The following SMYD3 variants were observed in gnomAD, a reference collection of about 807,000 sequenced individuals.
The protein encoded by SMYD3 is histone-lysine N-methyltransferase SMYD3.
SMYD3 carries 36 observed loss-of-function variants against 57.7 expected under a neutral mutation model. The ratio of observed to expected loss-of-function variants is 0.62; its 90% CI spans 0.48 to 0.82. The LOEUF is 0.82. Ranked by LOEUF, SMYD3 falls within the 40% of genes least tolerant of loss-of-function variation. The pLI is 0.00. For synonymous variants in SMYD3, 211 were observed against 195.0 expected, an observed-to-expected ratio of 1.08 and a Z score of -0.68; for missense variants, 515 against 538.8, an observed-to-expected ratio of 0.96 and a Z score of 0.44.
chr1:245,966,743 C>T (rs2058159506), intron 5 of SMYD3, among the ~76,000 whole-genome samples: 1 of 152,138 alleles, frequency 6.6e-6, no homozygotes, highest in Non-Finnish European at 1.5e-5. Context: ...CTCTGCTGTG[C>T]CTGGTGCTCA....
intron 10 of SMYD3, among the ~76,000 whole-genome samples, chr1:245,824,732 T>C (rs1215198452): frequency 6.6e-6 from 1 of 152,068 alleles, no homozygotes; most frequent in Non-Finnish European, 1.5e-5. Flanking sequence ...GGTGCATGCC[T>C]GTAGTCCCAG....
At chr1:246,450,252 T>C (rs1160263388) in intron 1 of SMYD3, among the ~76,000 whole-genome samples, 1 of 151,862 alleles carries the variant, frequency 6.6e-6, no homozygotes, top group Non-Finnish European at 1.5e-5. Context: ...CATCGCACCA[T>C]TGCACTCCAG....
chr1:246,020,662 T>C (rs907164842), intron 5 of SMYD3, among the ~76,000 whole-genome samples: 1 of 152,186 alleles, frequency 6.6e-6, no homozygotes, highest in Non-Finnish European at 1.5e-5. Flanking sequence ...GCTCTATCGG[T>C]GTAAACTCAC....
At chr1:245,805,189 A>AT (rs1480821110) in intron 10 of SMYD3, among the ~76,000 whole-genome samples, 2 of 152,122 alleles carry the variant, frequency 1.3e-5, no homozygotes, top group Admixed American at 6.6e-5. Context: ...ACATGTGTAG[A>AT]TTTAACCAGT....
At chr1:246,058,681 C>CAT (rs2148346722) in intron 5 of SMYD3, among the ~76,000 whole-genome samples, 1 of 152,206 alleles carries the variant, frequency 6.6e-6, no homozygotes, top group African/African-American at 2.4e-5. Flanking sequence ...GTCTAGAAGC[C>CAT]ATATACAACA....
intron 2 of SMYD3, among the ~76,000 whole-genome samples, chr1:246,338,917 A>G (rs2065586196): frequency 6.6e-6 from 1 of 152,204 alleles, no homozygotes; most frequent in South Asian, 2.1e-4. Context: ...GAACCAAAGG[A>G]GCCAGACATT....
chr1:245,904,671 C>T (rs145600611), intron 8 of SMYD3, among the ~76,000 whole-genome samples: 11 of 152,236 alleles, frequency 7.2e-5, no homozygotes, highest in South Asian at 4.2e-4. Context: ...TAGGCCATAA[C>T]GACTGCAACT....
intron 5 of SMYD3, among the ~76,000 whole-genome samples, chr1:246,182,322 C>T (rs2148290481): frequency 6.6e-6 from 1 of 152,298 alleles, no homozygotes; most frequent in South Asian, 2.1e-4. Context: ...ACTTAATCTT[C>T]CCATCTCTCG....
intron 8 of SMYD3, among the ~76,000 whole-genome samples, chr1:245,882,360 T>TCC (rs1156346276): frequency 1.3e-5 from 2 of 152,094 alleles, no homozygotes; most frequent in African/African-American, 4.8e-5. Flanking sequence ...TCAACAAAAA[T>TCC]CCCCCATATA....
At chr1:245,920,279 C>G (rs193157040) in intron 7 of SMYD3, among the ~76,000 whole-genome samples, 315 of 142,350 alleles carry the variant, frequency 2.2e-3, no homozygotes, top group Admixed American at 9.0e-3. Flanking sequence ...TGCCACTGCA[C>G]TCCAGCCTGG....
intron 5 of SMYD3, among the ~76,000 whole-genome samples, chr1:246,013,173 ATTATT>A (rs1241947306): frequency 1.3e-5 from 2 of 152,028 alleles, no homozygotes; most frequent in African/African-American, 4.8e-5. Flanking sequence ...GTTCACATGC[ATTATT>A]TTATTTTATT....
intron 10 of SMYD3, among the ~76,000 whole-genome samples, chr1:245,798,716 G>A (rs575036156): frequency 6.6e-6 from 1 of 152,188 alleles, no homozygotes; most frequent in South Asian, 2.1e-4. Context: ...TGTGCCTCCT[G>A]TTGCTCCCTT....
intron 5 of SMYD3, among the ~76,000 whole-genome samples, chr1:245,963,800 T>G (rs2058070838): frequency 6.6e-6 from 1 of 152,086 alleles, no homozygotes; most frequent in African/African-American, 2.4e-5. Context: ...AATACCCAAC[T>G]CCAGTCCACT....
chr1:246,078,671 A>T (rs1361782189), intron 5 of SMYD3, among the ~76,000 whole-genome samples: 1 of 152,234 alleles, frequency 6.6e-6, no homozygotes, highest in Non-Finnish European at 1.5e-5. Flanking sequence ...AGAAGCCATT[A>T]AGAGGTTGAT....
At chr1:245,877,000 C>CA (rs2052524349) in intron 8 of SMYD3, among the ~76,000 whole-genome samples, 1 of 152,074 alleles carries the variant, frequency 6.6e-6, no homozygotes, top group South Asian at 2.1e-4. Context: ...GAAGAGGATG[C>CA]ATGAGTTCAG....
intron 1 of SMYD3, among the ~76,000 whole-genome samples, chr1:246,440,981 T>TACAC (rs2067454080): frequency 6.6e-6 from 1 of 152,118 alleles, no homozygotes; most frequent in Admixed American, 6.5e-5. Flanking sequence ...CACTGGGAAT[T>TACAC]ACACACACCT....
In SMYD3 at chr1:246,412,816, C is replaced by T. The variant is rs2066998364; in HGVS notation, c.165-57722G>A. Among the ~76,000 whole-genome samples the T allele has an allele frequency of 2.0e-5, 3 of 146,974 alleles. No homozygotes were observed. The South Asian group carries it at 6.4e-4, about 31-fold the overall frequency. ...GAGGTTGCTGTGAGCCGAGATCGCA[C>T]CATTGCACTCCAGCCTCAGCAACAA... On this transcript the variant is annotated intron_variant, in intron 1 of 11. Transcript: ENST00000490107.
At chr1:246,138,478 T>C (rs1043256148) in intron 5 of SMYD3, among the ~76,000 whole-genome samples, 6 of 139,188 alleles carry the variant, frequency 4.3e-5, no homozygotes, top group Non-Finnish European at 6.6e-5. Flanking sequence ...CAGGCTGGAG[T>C]GCAGTGGCGC....
chr1:246,016,067 G>A (rs559289144), intron 5 of SMYD3, among the ~76,000 whole-genome samples: 7 of 152,212 alleles, frequency 4.6e-5, no homozygotes, highest in East Asian at 1.9e-4. Context: ...GGCTGATCCC[G>A]TCAGTGGCGG....
Sources: allele counts gnomAD v4.1 joint callset (sites outside exome capture counted in the v4.1 genomes callset), GRCh38; gene constraint gnomAD v4.1.1; transcripts MANE v1.5; gene names NCBI Gene and HGNC (gene_info 2026-07-23, HGNC 2026-07-21).